The following PPP2R2C variants were observed in gnomAD, a reference collection of about 807,000 sequenced individuals.
The protein encoded by PPP2R2C is protein phosphatase 2, regulatory subunit B, gamma.
A neutral mutation model predicts 45.3 loss-of-function variants in PPP2R2C; 10 were observed. That is an observed-to-expected ratio of 0.22 (90% CI 0.14 to 0.37). The LOEUF (loss-of-function observed/expected upper bound fraction) is 0.37. Ranked by LOEUF, PPP2R2C falls within the 10% of genes least tolerant of loss-of-function variation. PPP2R2C has a pLI of 1.00. For missense variants in PPP2R2C, 308 were observed against 619.7 expected (o/e 0.50, Z 5.34); for synonymous variants, 257 against 245.4 (o/e 1.05, Z -0.44).
intron 2 of PPP2R2C, among the ~76,000 whole-genome samples, chr4:6,514,245 C>A (rs1347707998): frequency 6.6e-6 from 1 of 152,156 alleles, no homozygotes; most frequent in African/African-American, 2.4e-5. Context: ...ACAGAAATTT[C>A]ATTTCATTTA....
intron 1 of PPP2R2C, among the ~76,000 whole-genome samples, chr4:6,455,550 C>T (rs1324721245): frequency 1.3e-5 from 2 of 152,206 alleles, no homozygotes; most frequent in African/African-American, 4.8e-5. Flanking sequence ...CTCCACCCCA[C>T]AACGTTCACC....
At chr4:6,353,330 A>C (rs1450108634) in intron 5 of PPP2R2C, among the ~76,000 whole-genome samples, 11 of 71,168 alleles carry the variant, frequency 1.5e-4, no homozygotes, top group African/African-American at 5.4e-4. Context: ...TACTGACAGC[A>C]CCCCAACACC....
chr4:6,384,802 C>G (rs960746399), intron 1 of PPP2R2C: 2 of 985,466 alleles, frequency 2.0e-6, no homozygotes, highest in African/African-American at 3.5e-5. Context: ...TTCCATTTGG[C>G]AGCAGAGGAG....
intron 1 of PPP2R2C, among the ~76,000 whole-genome samples, chr4:6,549,849 G>T (rs1333963172): frequency 6.6e-6 from 1 of 152,214 alleles, no homozygotes; most frequent in East Asian, 1.9e-4. Context: ...TTATGGGACA[G>T]CAGCTGTAAC....
At chr4:6,441,853 A>G (rs992964054) in intron 1 of PPP2R2C, among the ~76,000 whole-genome samples, 28 of 152,186 alleles carry the variant, frequency 1.8e-4, no homozygotes, top group Admixed American at 6.5e-5. Context: ...CTTCATCTGT[A>G]TTACTGGGTA....
intron 2 of PPP2R2C, among the ~76,000 whole-genome samples, chr4:6,516,609 G>A (rs555992074): frequency 1.6e-4 from 24 of 152,334 alleles, no homozygotes; most frequent in Non-Finnish European, 2.6e-4. Flanking sequence ...GCTGCCTGTC[G>A]TGGCTTCTAT....
At chr4:6,458,140 C>T (rs1721137969) in intron 1 of PPP2R2C, among the ~76,000 whole-genome samples, 1 of 152,204 alleles carries the variant, frequency 6.6e-6, no homozygotes, top group African/African-American at 2.4e-5. Flanking sequence ...ATTTCACTTC[C>T]AGCATTAACA....
At chr4:6,440,945 G>A (rs1720120727) in intron 1 of PPP2R2C, among the ~76,000 whole-genome samples, 2 of 152,172 alleles carry the variant, frequency 1.3e-5, no homozygotes, top group Non-Finnish European at 2.9e-5. Context: ...AAATCTCAAG[G>A]AGTGCGACTT....
At chr4:6,550,158 C>A (rs1725135931) in intron 1 of PPP2R2C, among the ~76,000 whole-genome samples, 1 of 152,138 alleles carries the variant, frequency 6.6e-6, no homozygotes, top group Non-Finnish European at 1.5e-5. Flanking sequence ...CACTCAGCCT[C>A]TCTGAGCCTC....
Position 6,395,295 on chromosome 4 carries a change from A to T in PPP2R2C, c.71-14201T>A, listed in dbSNP as rs142219557. ...TTCATTTCCCCAAAGGAGGCCATTT[A>T]TTTATCTGACAAGTATTAACTGAGG... On this transcript the variant is annotated intron_variant, in intron 1 of 8. Coordinates refer to ENST00000382599, the MANE Select transcript of PPP2R2C (RefSeq NM_020416.4). 7.3e-3 allele frequency among the ~76,000 whole-genome samples: 1,118 copies of T among 152,180 alleles called. 11 individuals carry two copies. The highest frequency in any genetic ancestry group is 0.012 in the Non-Finnish European group (805 of 68,010).
intron 2 of PPP2R2C, among the ~76,000 whole-genome samples, chr4:6,511,179 G>T (rs567766678): frequency 6.6e-6 from 1 of 152,108 alleles, no homozygotes; most frequent in African/African-American, 2.4e-5. Context: ...AGAAAAACAC[G>T]CAAAATGCTT....
chr4:6,466,596 G>A (rs181657791), intron 1 of PPP2R2C, among the ~76,000 whole-genome samples: 1 of 151,976 alleles, frequency 6.6e-6, no homozygotes, highest in African/African-American at 2.4e-5. Context: ...CTGCTTGGTG[G>A]ACTCACAGGA....
chr4:6,399,733 G>C (rs904926561), intron 1 of PPP2R2C, among the ~76,000 whole-genome samples: 1 of 152,234 alleles, frequency 6.6e-6, no homozygotes, highest in African/African-American at 2.4e-5. Flanking sequence ...GCTGAGAAAG[G>C]CAGAGTGAGG....
chr4:6,463,576 C>G (rs1488294590), intron 1 of PPP2R2C, among the ~76,000 whole-genome samples: 1 of 152,226 alleles, frequency 6.6e-6, no homozygotes, highest in Non-Finnish European at 1.5e-5. Context: ...AGCACAGGGG[C>G]CCCCAGGTGT....
intron 1 of PPP2R2C, chr4:6,414,017 C>G: frequency 6.6e-7 from 1 of 1,525,926 alleles, no homozygotes; most frequent in Non-Finnish European, 8.8e-7. Flanking sequence ...AAAACCAGAT[C>G]TATGTGGCCC....
intron 1 of PPP2R2C, among the ~76,000 whole-genome samples, chr4:6,385,410 T>C (rs1716141304): frequency 6.6e-6 from 1 of 152,160 alleles, no homozygotes; most frequent in Admixed American, 6.5e-5. Context: ...ATAAAATTGG[T>C]TGTTTTGGCA....
At chr4:6,492,779 G>A (rs1253368208) in intron 2 of PPP2R2C, among the ~76,000 whole-genome samples, 1 of 152,142 alleles carries the variant, frequency 6.6e-6, no homozygotes, top group Non-Finnish European at 1.5e-5. Flanking sequence ...CCTGGGGTTT[G>A]GAGAACACAC....
At chr4:6,510,988 A>C (rs1213292587) in intron 2 of PPP2R2C, among the ~76,000 whole-genome samples, 2 of 83,378 alleles carry the variant, frequency 2.4e-5, no homozygotes, top group East Asian at 3.0e-4. Context: ...AACAAAAAAA[A>C]ACAAACAAAC....
rs1712412456 is a variant in PPP2R2C at position 6,350,198 on chromosome 4, G to C, written c.626-2188C>G. ...TGATACTGAAGGCCAAGCAAGAAAA[G>C]AGCCCTCCTCCTGCCATGCTGATTT... On this transcript the variant is annotated intron_variant, in intron 5 of 8. Coordinates refer to ENST00000382599, the MANE Select transcript of PPP2R2C (RefSeq NM_020416.4). 5 of 985,334 alleles carry C rather than the reference G, an allele frequency of 5.1e-6. No homozygotes were observed. The South Asian group carries it at 1.9e-4, about 37-fold the overall frequency. The allele number at this position is 985,334 out of a possible 1,614,324, so 61.0% of individuals were successfully genotyped here.
Sources: gnomAD v4.1 joint callset for allele counts (sites outside exome capture counted in the v4.1 genomes callset) on GRCh38, gnomAD v4.1.1 for gene constraint, MANE v1.5 for transcripts, NCBI Gene and HGNC (gene_info 2026-07-23, HGNC 2026-07-21) for gene names.